Variants in ZRANB1 observed in about 807,000 individuals in gnomAD.
ZRANB1 encodes ubiquitin thioesterase ZRANB1.
In ZRANB1, 16 loss-of-function variants were observed where a neutral mutation model predicts 80.5. That is an observed-to-expected ratio of 0.20 (90% CI 0.13 to 0.30). The LOEUF (loss-of-function observed/expected upper bound fraction) is 0.30. ZRANB1 is among the 10% of genes least tolerant of loss of function. ZRANB1 has a pLI of 1.00. For synonymous variants in ZRANB1, 291 were observed against 293.1 expected, an observed-to-expected ratio of 0.99 and a Z score of 0.07; for missense variants, 576 against 862.6, an observed-to-expected ratio of 0.67 and a Z score of 4.16.
At chr10:124,944,577 C>T (rs2134244372) in intron 1 of ZRANB1, among the ~76,000 whole-genome samples, 2 of 145,902 alleles carry the variant, frequency 1.4e-5, no homozygotes, top group Admixed American at 1.5e-4. Flanking sequence ...CCTCAACCTC[C>T]TGGGTTCAAG....
intron 2 of ZRANB1, among the ~76,000 whole-genome samples, chr10:124,971,353 C>G (rs1367856526): frequency 6.6e-6 from 1 of 152,186 alleles, no homozygotes; most frequent in Non-Finnish European, 1.5e-5. Flanking sequence ...CAGTAGTGCT[C>G]CCATCTCACT....
chr10:124,975,401 T>C (rs1209418173), intron 5 of ZRANB1, among the ~76,000 whole-genome samples: 4 of 152,224 alleles, frequency 2.6e-5, no homozygotes, highest in Non-Finnish European at 5.9e-5. Flanking sequence ...AATAAGAATA[T>C]TGTCCTACTC....
At chr10:124,967,905 C>CTTT (rs34098442) in intron 2 of ZRANB1, among the ~76,000 whole-genome samples, 1 of 142,238 alleles carries the variant, frequency 7.0e-6, no homozygotes, top group Non-Finnish European at 1.6e-5. Context: ...TTTTTTCTTT[C>CTTT]TTTTTTTTTT....
intron 1 of ZRANB1, among the ~76,000 whole-genome samples, chr10:124,951,974 A>G (rs561275708): frequency 6.6e-6 from 1 of 152,260 alleles, no homozygotes; most frequent in African/African-American, 2.4e-5. Flanking sequence ...ATAAATAAAT[A>G]AAAACAAAAA....
chr10:124,949,197 A>G (rs958859362), intron 1 of ZRANB1, among the ~76,000 whole-genome samples: 4 of 152,140 alleles, frequency 2.6e-5, no homozygotes, highest in Admixed American at 1.3e-4. Context: ...AAATCATTCT[A>G]TGTGTTTGCT....
At position 124,981,739 on chromosome 10, in the gene ZRANB1, A is replaced by G. The variant is rs748611185; in HGVS notation, c.1458A>G (p.Ser486=). ...ACACACGCTGGAAAGATTGGGAATC[A>G]TGGTATTCTCAGAGCTTTGGTTTAC... ...WFYTRWKDWE[S]WYSQSFGLHF... The change falls in exon 6 of 9, where the codon TCA becomes TCG. Residue 486 remains serine, a synonymous_variant. Coordinates refer to ENST00000359653, the MANE Select transcript of ZRANB1 (RefSeq NM_017580.3). 2 of 1,613,630 alleles carry G rather than the reference A, an allele frequency of 1.2e-6. No homozygotes were observed. Among genetic ancestry groups the G allele is most frequent in the African/African-American group, 1.3e-5 (1 of 75,020 alleles).
At chr10:124,968,034 G>A (rs541527807) in intron 2 of ZRANB1, among the ~76,000 whole-genome samples, 329 of 152,120 alleles carry the variant, frequency 2.2e-3, no homozygotes, top group Admixed American at 6.8e-3. Flanking sequence ...AAGTAACTGG[G>A]ATTGTAGGCA....
chr10:124,975,558 T>G (rs1951869443), intron 5 of ZRANB1, among the ~76,000 whole-genome samples: 1 of 152,258 alleles, frequency 6.6e-6, no homozygotes, highest in African/African-American at 2.4e-5. Flanking sequence ...TAATTGTTTT[T>G]GTGAATGAAT....
chr10:124,971,262 G>C (rs763471518), intron 2 of ZRANB1, among the ~76,000 whole-genome samples: 1 of 152,150 alleles, frequency 6.6e-6, no homozygotes, highest in South Asian at 2.1e-4. Context: ...TTGCTATTTA[G>C]CATTTTAAAA....
chr10:124,982,164 C>G (rs1951940830), intron 6 of ZRANB1, among the ~76,000 whole-genome samples: 1 of 152,180 alleles, frequency 6.6e-6, no homozygotes, highest in Non-Finnish European at 1.5e-5. Flanking sequence ...GGATTGCTCT[C>G]CGTTCCTGCA....
At chr10:124,984,737 G>C (rs1406326659) in intron 8 of ZRANB1, 37 bp from the exon 9 acceptor site, 2 of 1,598,308 alleles carry the variant, frequency 1.3e-6, no homozygotes, top group East Asian at 2.2e-5. Flanking sequence ...CTGATCTGTT[G>C]TATGATTTTC....
chr10:124,982,225 C>G (rs150710634), intron 6 of ZRANB1, among the ~76,000 whole-genome samples: 19 of 152,332 alleles, frequency 1.2e-4, no homozygotes, highest in African/African-American at 3.1e-4. Context: ...TGTTCTGTCT[C>G]TGGGGACACT....
At chr10:124,966,357 G>A (rs1464513356) in intron 1 of ZRANB1, among the ~76,000 whole-genome samples, 1 of 152,010 alleles carries the variant, frequency 6.6e-6, no homozygotes, top group African/African-American at 2.4e-5. Context: ...TCTCACCAGA[G>A]CCTGGAGCCT....
intron 1 of ZRANB1, among the ~76,000 whole-genome samples, chr10:124,954,343 C>T (rs188148137): frequency 6.6e-6 from 1 of 150,476 alleles, no homozygotes; most frequent in East Asian, 2.0e-4. Context: ...GTAAACAGGT[C>T]TTGCATCATA....
rs1428168654 is a variant in ZRANB1, at chr10:124,942,154, T to A, written c.-340T>A. On this transcript the variant is annotated 5_prime_UTR_variant, in exon 1 of 9. Transcript: ENST00000359653. Reference sequence around the variant, plus strand: ...GCCTCCCTGAAATTAAACATTTCTATTAGTGGCTTCCCGTTAATCTCATCC... The same window carrying A: ...GCCTCCCTGAAATTAAACATTTCTAATAGTGGCTTCCCGTTAATCTCATCC... 9.3e-7 allele frequency: 1 copy of A among 1,077,462 alleles called. No individual in the cohort carries two copies. The highest frequency in any genetic ancestry group is 4.8e-5 in the Admixed American group (1 of 20,748). The allele number at this position is 1,077,462 out of a possible 1,614,324, so 66.7% of individuals were successfully genotyped here. A position where few individuals can be genotyped will look rare whatever the true frequency, so the allele number is the denominator to read the frequency against.
Position 124,986,963 on chromosome 10 carries a change from C to CT in ZRANB1, c.*1972dup, listed in dbSNP as rs1952061793. 1 of 152,398 alleles carries CT rather than the reference C, an allele frequency of 6.6e-6. No individual in the cohort carries two copies. The highest frequency in any genetic ancestry group is 6.6e-5 in the Admixed American group (1 of 15,266). 9.4% of individuals were successfully genotyped at this position (152,398 alleles called of 1,614,324 possible). On this transcript the variant is annotated 3_prime_UTR_variant, in exon 9 of 9. Transcript: ENST00000359653. The stretch of plus-strand genomic sequence containing the variant: ...GTGAGTGTTGTTTCCCCTGAGCGCT[C>CT]TATTATTTATTTATTTATTATCAAT...
upstream of ZRANB1, among the ~76,000 whole-genome samples, chr10:124,938,768 A>G (rs1456670958): frequency 6.6e-6 from 1 of 150,528 alleles, no homozygotes; most frequent in Non-Finnish European, 1.5e-5. Flanking sequence ...GCACAGTAGC[A>G]CAATCATAAC....
At chr10:124,949,358 A>G (rs972500713) in intron 1 of ZRANB1, among the ~76,000 whole-genome samples, 1 of 151,590 alleles carries the variant, frequency 6.6e-6, no homozygotes, top group Admixed American at 6.6e-5. Context: ...TGTTGAAGGT[A>G]TAGGGGGAAA....
chr10:124,966,757 T>C lies in ZRANB1; in HGVS notation c.978T>C (p.Asp326=). The change falls in exon 2 of 9, where the codon GAT becomes GAC. Residue 326 remains aspartate (D), a synonymous_variant. Coordinates refer to ENST00000359653, the MANE Select transcript of ZRANB1 (RefSeq NM_017580.3). The part of the protein sequence containing the change: ...VHLAIRFQRQ[D]MLAILLTEVS... ...TGGCTATACGTTTTCAGAGGCAGGA[T>C]ATGCTAGCAATATTGCTTACAGAGG... 6.2e-7 allele frequency: 1 copy of C among 1,614,060 alleles called. No individual in the cohort carries two copies. The highest frequency in any genetic ancestry group is 8.5e-7 in the Non-Finnish European group (1 of 1,179,926).
Sources: allele counts gnomAD v4.1 joint callset (sites outside exome capture counted in the v4.1 genomes callset), GRCh38; gene constraint gnomAD v4.1.1; transcripts MANE v1.5; gene names NCBI Gene and HGNC (gene_info 2026-07-23, HGNC 2026-07-21).